ATRNL1: variants seen among roughly 807,000 people sequenced by gnomAD.
The protein encoded by ATRNL1 is attractin like 1.
Under a neutral mutation model 182.7 loss-of-function variants are expected in ATRNL1, and 95 were observed. The observed-to-expected ratio is 0.52, with a 90% CI of 0.44 to 0.62. The LOEUF is 0.62. Ranked by LOEUF, ATRNL1 falls within the 20% of genes least tolerant of loss-of-function variation. ATRNL1 has a pLI of 0.00. For synonymous variants in ATRNL1, 576 were observed against 568.3 expected, an observed-to-expected ratio of 1.01 and a Z score of -0.19; for missense variants, 1,471 against 1,679.5, an observed-to-expected ratio of 0.88 and a Z score of 2.17.
At chr10:115,475,716 G>A (rs1178659021) in intron 24 of ATRNL1, among the ~76,000 whole-genome samples, 2 of 151,240 alleles carry the variant, frequency 1.3e-5, no homozygotes, top group East Asian at 1.9e-4. Context: ...TGTAATAATT[G>A]TTCTAAATTG....
rs533693318 is a variant in ATRNL1, at chr10:115,565,147, A to G, written c.3795+15611A>G. On this transcript the variant is annotated intron_variant, in intron 26 of 28. Transcript: ENST00000355044. ...ATTCTGAGAAATAATTTTTAGAACC[A>G]CACTACAGTGGAGTACCTCTCAAAA... Among the ~76,000 whole-genome samples the G allele has an allele frequency of 2.6e-5, 4 of 152,160 alleles. No homozygotes were observed. The South Asian group carries it at 8.3e-4, about 32-fold the overall frequency.
At chr10:115,763,596 G>A (rs558376541) in intron 27 of ATRNL1, among the ~76,000 whole-genome samples, 1 of 152,098 alleles carries the variant, frequency 6.6e-6, no homozygotes, top group Non-Finnish European at 1.5e-5. Flanking sequence ...AGTCGGGGAT[G>A]GGCACAAAGA....
intron 18 of ATRNL1, among the ~76,000 whole-genome samples, chr10:115,328,480 G>C (rs901349609): frequency 6.6e-6 from 1 of 152,038 alleles, no homozygotes; most frequent in African/African-American, 2.4e-5. Flanking sequence ...ATTATTGTTA[G>C]CTATAATCAC....
intron 20 of ATRNL1, among the ~76,000 whole-genome samples, chr10:115,424,976 C>A (rs1335492363): frequency 6.6e-6 from 1 of 152,068 alleles, no homozygotes; most frequent in African/African-American, 2.4e-5. Context: ...ACCTAACACC[C>A]AAAGTTCCTT....
At chr10:115,353,600 A>G (rs1856368328) in intron 19 of ATRNL1, among the ~76,000 whole-genome samples, 1 of 152,158 alleles carries the variant, frequency 6.6e-6, no homozygotes, top group South Asian at 2.1e-4. Context: ...AACTACTTCC[A>G]GTTTGTCATT....
chr10:115,523,784 C>T (rs183768094), intron 25 of ATRNL1, among the ~76,000 whole-genome samples: 19 of 152,354 alleles, frequency 1.2e-4, no homozygotes, highest in African/African-American at 3.8e-4. Context: ...AACTTTCCCT[C>T]ATTTTTCTAT....
chr10:115,695,518 T>TA (rs1242656083), intron 26 of ATRNL1, among the ~76,000 whole-genome samples: 1 of 152,180 alleles, frequency 6.6e-6, no homozygotes, highest in Non-Finnish European at 1.5e-5. Flanking sequence ...GATGTCATTC[T>TA]AAAACCCACG....
intron 26 of ATRNL1, among the ~76,000 whole-genome samples, chr10:115,699,805 G>A (rs1231432649): frequency 6.6e-6 from 1 of 152,126 alleles, no homozygotes; most frequent in African/African-American, 2.4e-5. Context: ...AGTGAGCATA[G>A]TACCCCATAG....
At chr10:115,413,496 C>T (rs1554960277) in intron 20 of ATRNL1, among the ~76,000 whole-genome samples, 1 of 152,076 alleles carries the variant, frequency 6.6e-6, no homozygotes, top group Non-Finnish European at 1.5e-5. Context: ...AAACAAGACC[C>T]TTCCTTTCTT....
At chr10:115,245,727 T>C (rs1554903965) in intron 10 of ATRNL1, among the ~76,000 whole-genome samples, 1 of 152,104 alleles carries the variant, frequency 6.6e-6, no homozygotes, top group Non-Finnish European at 1.5e-5. Flanking sequence ...TTGCTTTTCA[T>C]GTTTATAATT....
chr10:115,446,789 A>G (rs1157224795), intron 21 of ATRNL1, among the ~76,000 whole-genome samples: 1 of 151,950 alleles, frequency 6.6e-6, no homozygotes, highest in Non-Finnish European at 1.5e-5. Flanking sequence ...GTCTTTCTTT[A>G]TATCTATTTT....
intron 27 of ATRNL1, among the ~76,000 whole-genome samples, chr10:115,737,591 G>T (rs1376852356): frequency 2.6e-5 from 4 of 152,078 alleles, no homozygotes; most frequent in African/African-American, 9.7e-5. Context: ...GCCTTGGCTC[G>T]ATATTTTCAT....
At chr10:115,221,782 G>A (rs571539438) in intron 9 of ATRNL1, among the ~76,000 whole-genome samples, 5 of 152,064 alleles carry the variant, frequency 3.3e-5, no homozygotes, top group Non-Finnish European at 7.4e-5. Flanking sequence ...AACCCTACTC[G>A]TGATAATTAG....
chr10:115,584,151 G>T (rs1285962700), intron 26 of ATRNL1, among the ~76,000 whole-genome samples: 20 of 150,178 alleles, frequency 1.3e-4, no homozygotes, highest in Non-Finnish European at 1.8e-4. Context: ...GATTCGGTTT[G>T]CCAGTATTTT....
intron 19 of ATRNL1, among the ~76,000 whole-genome samples, chr10:115,356,814 T>G (rs1554942975): frequency 6.6e-6 from 1 of 152,002 alleles, no homozygotes; most frequent in Non-Finnish European, 1.5e-5. Context: ...GATCTGATGT[T>G]ATAGAATATC....
intron 26 of ATRNL1, among the ~76,000 whole-genome samples, chr10:115,699,790 G>A (rs60031269): frequency 0.012 from 1,750 of 152,160 alleles, 32 homozygotes; most frequent in African/African-American, 0.04. Flanking sequence ...CCCCGTCATC[G>A]AAGTAGTGAG....
chr10:115,279,397 A>G (rs941039547), intron 13 of ATRNL1, among the ~76,000 whole-genome samples: 2 of 152,116 alleles, frequency 1.3e-5, no homozygotes, highest in Non-Finnish European at 2.9e-5. Context: ...TACTTGTTTT[A>G]ATCAATTATC....
chr10:115,670,157 T>C (rs1174729354), intron 26 of ATRNL1, among the ~76,000 whole-genome samples: 4 of 152,106 alleles, frequency 2.6e-5, no homozygotes, highest in African/African-American at 9.7e-5. Flanking sequence ...CCTCAGTTTC[T>C]TCATCTTTAA....
At chr10:115,812,513 G>A (rs1271762752) in intron 27 of ATRNL1, among the ~76,000 whole-genome samples, 4 of 152,036 alleles carry the variant, frequency 2.6e-5, no homozygotes, top group Admixed American at 2.6e-4. Context: ...TTTTGTTCTT[G>A]TTGCCCAAGC....
Sources: allele counts gnomAD v4.1 joint callset (sites outside exome capture counted in the v4.1 genomes callset), GRCh38; gene constraint gnomAD v4.1.1; transcripts MANE v1.5; gene names NCBI Gene and HGNC (gene_info 2026-07-23, HGNC 2026-07-21).